The following CELF2 variants were observed in gnomAD, a reference collection of about 807,000 sequenced individuals.
CELF2 encodes CUG triplet repeat RNA-binding protein 2.
A neutral mutation model predicts 62.6 loss-of-function variants in CELF2; 8 were observed. That is an observed-to-expected ratio of 0.13 (90% CI 0.07 to 0.23). The LOEUF (loss-of-function observed/expected upper bound fraction) is 0.23, where lower values mean the gene tolerates loss of function less well. Ranked by LOEUF, CELF2 falls within the 10% of genes least tolerant of loss-of-function variation. The pLI is 1.00. For missense variants in CELF2, 333 were observed against 671.0 expected, an observed-to-expected ratio of 0.50 and a Z score of 5.56; for synonymous variants, 258 against 250.0, an observed-to-expected ratio of 1.03 and a Z score of -0.30.
At chr10:11,216,325 C>T (rs1477527312) in intron 2 of CELF2, among the ~76,000 whole-genome samples, 1 of 152,188 alleles carries the variant, frequency 6.6e-6, no homozygotes, top group Non-Finnish European at 1.5e-5. Flanking sequence ...CCTGAAATGG[C>T]AGCACCTCTC....
chr10:11,041,457 C>G (rs1207418168), intron 1 of CELF2, among the ~76,000 whole-genome samples: 1 of 152,166 alleles, frequency 6.6e-6, no homozygotes, highest in Non-Finnish European at 1.5e-5. Context: ...CTCAGGATTT[C>G]TCTTTTAAAC....
At chr10:10,653,951 C>T in the CELF2 span, among the ~76,000 whole-genome samples, 1 of 151,582 alleles carries the variant, frequency 6.6e-6, no homozygotes, top group Admixed American at 6.6e-5. Flanking sequence ...AAAGGATCAA[C>T]AAAATTGATA....
chr10:10,600,653 A>G, the CELF2 span, among the ~76,000 whole-genome samples: 1 of 152,194 alleles, frequency 6.6e-6, no homozygotes, highest in Admixed American at 6.5e-5. Flanking sequence ...TGATACATGT[A>G]TTTAACATGT....
rs1259782034 is a variant in CELF2, at chr10:11,280,757, G to C, written c.841+5637G>C. On this transcript the variant is annotated intron_variant, in intron 8 of 12. Transcript: ENST00000633077. This position sits in a 1 kb window ranked among gnomAD's most constrained non-coding sequence, Gnocchi z 7.6. Reference sequence around the variant, plus strand: ...TGAGTGGACAGAGGCCGCTCTGGGTGGGGGAAACGGTGCCCTCACTGCCCT... The same window carrying C: ...TGAGTGGACAGAGGCCGCTCTGGGTCGGGGAAACGGTGCCCTCACTGCCCT... Among the ~76,000 whole-genome samples the C allele has an allele frequency of 1.3e-5, 2 of 152,136 alleles. No individual in the cohort carries two copies. Among genetic ancestry groups the C allele is most frequent in the Non-Finnish European group, 2.9e-5 (2 of 68,020 alleles).
chr10:10,656,982 C>G, the CELF2 span, among the ~76,000 whole-genome samples: 1 of 149,964 alleles, frequency 6.7e-6, no homozygotes. Context: ...TTAATAGCAG[C>G]ATTGTTCATA....
At position 11,331,116 on chromosome 10, in the gene CELF2, GTTTAATGCACATGAAATTACCTATAT is replaced by G. The variant is rs1310270650; in HGVS notation, c.*2068_*2093del. The G allele has an allele frequency of 1.3e-5, 2 of 152,404 alleles. No homozygotes were observed. Among genetic ancestry groups the G allele is most frequent in the Non-Finnish European group, 2.9e-5 (2 of 67,984 alleles). The allele number at this position is 152,404 out of a possible 1,614,324, so 9.4% of individuals were successfully genotyped here. A position where few individuals can be genotyped will look rare whatever the true frequency, so the allele number is the denominator to read the frequency against. On this transcript the variant is annotated 3_prime_UTR_variant, in exon 13 of 13. Coordinates refer to ENST00000633077, the MANE Select transcript of CELF2 (RefSeq NM_001326342.2). ...TGAACTCACAGTTAGACAATCCATG[GTTTAATGCACATGAAATTACCTATAT>G]TTTATACTGTTTCAATGTACAGGAG...
At chr10:10,569,454 C>T in the CELF2 span, among the ~76,000 whole-genome samples, 6 of 152,068 alleles carry the variant, frequency 3.9e-5, no homozygotes, top group African/African-American at 7.2e-5. Flanking sequence ...TTATCTCCAA[C>T]GGGGTCCCTC....
chr10:10,572,074 T>C, the CELF2 span, among the ~76,000 whole-genome samples: 2 of 152,246 alleles, frequency 1.3e-5, no homozygotes, highest in East Asian at 3.9e-4. Flanking sequence ...AATGTTCTGT[T>C]TTACACCTAA....
At chr10:11,142,411 G>A (rs574497610) in intron 1 of CELF2, among the ~76,000 whole-genome samples, 2 of 151,466 alleles carry the variant, frequency 1.3e-5, no homozygotes, top group South Asian at 2.1e-4. Context: ...TGGGCTGGGC[G>A]CGGTGGCTCA....
intron 1 of CELF2, among the ~76,000 whole-genome samples, chr10:11,069,215 A>T (rs182934493): frequency 3.9e-5 from 6 of 152,266 alleles, no homozygotes; most frequent in Admixed American, 1.3e-4. Context: ...TATGTAAATT[A>T]AAAAAAATCT....
At chr10:11,052,756 A>C (rs113473082) in intron 1 of CELF2, among the ~76,000 whole-genome samples, 3 of 152,328 alleles carry the variant, frequency 2.0e-5, no homozygotes, top group African/African-American at 4.8e-5. Flanking sequence ...GTAACTCTGC[A>C]AGTAGATGGC....
At chr10:10,693,662 G>T in the CELF2 span, among the ~76,000 whole-genome samples, 1 of 151,492 alleles carries the variant, frequency 6.6e-6, no homozygotes, top group Admixed American at 6.6e-5. Flanking sequence ...TGGTTGGTAA[G>T]CTATTGATTA....
intron 1 of CELF2, among the ~76,000 whole-genome samples, chr10:11,103,075 T>C (rs1170219804): frequency 4.6e-5 from 7 of 152,286 alleles, no homozygotes; most frequent in African/African-American, 1.4e-4. Flanking sequence ...TGCATCAACT[T>C]CTCAGCAAGT....
intron 2 of CELF2, among the ~76,000 whole-genome samples, chr10:10,987,392 C>T (rs947827746): frequency 6.6e-6 from 1 of 151,924 alleles, no homozygotes; most frequent in African/African-American, 2.4e-5. Flanking sequence ...TATATACACA[C>T]ACATATACTG....
intron 2 of CELF2, among the ~76,000 whole-genome samples, chr10:10,958,843 CTA>C (rs2049172256): frequency 6.6e-6 from 1 of 151,620 alleles, no homozygotes; most frequent in Non-Finnish European, 1.5e-5. Flanking sequence ...AGCCTAGTCT[CTA>C]AAAAAAAAGA....
the CELF2 span, among the ~76,000 whole-genome samples, chr10:10,744,857 C>T: frequency 5.3e-5 from 8 of 151,764 alleles, no homozygotes; most frequent in Admixed American, 5.3e-4. Flanking sequence ...ATTTTCCCAC[C>T]CAAATCCCCT....
chr10:10,786,207 T>C, the CELF2 span, among the ~76,000 whole-genome samples: 1 of 152,190 alleles, frequency 6.6e-6, no homozygotes, highest in Non-Finnish European at 1.5e-5. Context: ...CAGGGCTACT[T>C]TGGCTATGTT....
chr10:11,038,456 C>T (rs2061318728), intron 1 of CELF2, among the ~76,000 whole-genome samples: 1 of 152,112 alleles, frequency 6.6e-6, no homozygotes, highest in Non-Finnish European at 1.5e-5. Flanking sequence ...GTTATTGATA[C>T]AGGTTGGTTG....
rs966731312 is a variant in CELF2, at chr10:11,298,432, A to G, written c.976+9880A>G. Among the ~76,000 whole-genome samples, 3 of 152,244 alleles carry G rather than the reference A, an allele frequency of 2.0e-5. No individual in the cohort carries two copies. In the South Asian group the frequency reaches 6.2e-4, roughly 31 times the overall value. The stretch of plus-strand genomic sequence containing the variant: ...GGAGGATGCCAAGAATTTAGGACAG[A>G]AGGGTACTTATATCACATATGGGCC... On this transcript the variant is annotated intron_variant, in intron 9 of 12. Coordinates refer to ENST00000633077, the MANE Select transcript of CELF2 (RefSeq NM_001326342.2).
Sources: gnomAD v4.1 joint callset for allele counts (sites outside exome capture counted in the v4.1 genomes callset) on GRCh38, gnomAD v4.1.1 for gene constraint, Gnocchi (gnomAD v3.1) non-coding constraint, MANE v1.5 for transcripts, NCBI Gene and HGNC (gene_info 2026-07-23, HGNC 2026-07-21) for gene names.